ARMH3: variants seen among roughly 807,000 people sequenced by gnomAD.
The protein encoded by ARMH3 is armadillo like helical domain containing 3.
A neutral mutation model predicts 99.1 loss-of-function variants in ARMH3; 60 were observed. That is an observed-to-expected ratio of 0.61 (90% CI 0.49 to 0.75). ARMH3 has a LOEUF of 0.75. ARMH3 is among the 30% of genes least tolerant of loss of function. The pLI, the probability that ARMH3 is intolerant of heterozygous loss-of-function variation, is 0.00. For synonymous variants in ARMH3, 285 were observed against 292.8 expected (o/e 0.97, Z 0.27); for missense variants, 679 against 843.1 (o/e 0.81, Z 2.41).
intron 23 of ARMH3, among the ~76,000 whole-genome samples, chr10:101,915,480 C>G (rs927463060): frequency 3.9e-5 from 6 of 152,170 alleles, no homozygotes; most frequent in African/African-American, 1.4e-4. Flanking sequence ...ACCATGTATG[C>G]CCCCTTCCTG....
intron 24 of ARMH3, among the ~76,000 whole-genome samples, chr10:101,877,556 T>G (rs1042488671): frequency 6.6e-6 from 1 of 151,680 alleles, no homozygotes; most frequent in African/African-American, 2.4e-5. Context: ...GCTATTCAGG[T>G]GAGACAGGAG....
intron 14 of ARMH3, among the ~76,000 whole-genome samples, chr10:102,004,050 G>A (rs190394623): frequency 4.6e-5 from 7 of 152,168 alleles, no homozygotes; most frequent in Non-Finnish European, 8.8e-5. Flanking sequence ...AGCAATAACT[G>A]GAAAACTATC....
chr10:101,976,525 T>A (rs1407135979), intron 19 of ARMH3, among the ~76,000 whole-genome samples: 1 of 151,904 alleles, frequency 6.6e-6, no homozygotes. Context: ...GCCACTGACG[T>A]CTTTCCCTTG....
At chr10:101,864,060 CAAAAA>C (rs71485765) in intron 24 of ARMH3, among the ~76,000 whole-genome samples, 54 of 105,630 alleles carry the variant, frequency 5.1e-4, no homozygotes, top group East Asian at 7.9e-4. Context: ...GACTCCATCT[CAAAAA>C]AAAAAAAAAA....
At chr10:102,045,359 T>C (rs1257139740) in intron 1 of ARMH3, among the ~76,000 whole-genome samples, 2 of 151,978 alleles carry the variant, frequency 1.3e-5, no homozygotes, top group East Asian at 3.9e-4. Context: ...ACTGAGACAG[T>C]GATAAGGGCC....
intron 24 of ARMH3, among the ~76,000 whole-genome samples, chr10:101,859,724 G>C (rs2066818577): frequency 6.6e-6 from 1 of 152,204 alleles, no homozygotes; most frequent in African/African-American, 2.4e-5. Context: ...TGAGCAGCCA[G>C]GTTCAAAGAG....
chr10:102,025,116 T>C (rs1381242825), intron 6 of ARMH3, 40 bp downstream of exon 6: 48 of 1,513,370 alleles, frequency 3.2e-5, no homozygotes, highest in Non-Finnish European at 4.4e-5. Context: ...GGATTGCCCC[T>C]CCTGTCAATT....
intron 8 of ARMH3, among the ~76,000 whole-genome samples, chr10:102,020,740 C>G (rs1440258663): frequency 6.7e-6 from 1 of 149,356 alleles, no homozygotes; most frequent in Non-Finnish European, 1.5e-5. Flanking sequence ...GTAATCCCAG[C>G]TACTCAGGAG....
Position 101,864,078 on chromosome 10 carries a change from AAC to A in ARMH3, c.1861-14188_1861-14187del, listed in dbSNP as rs71016353. On this transcript the variant is annotated intron_variant, in intron 24 of 25. Coordinates refer to ENST00000370033, the MANE Select transcript of ARMH3 (RefSeq NM_024541.3). The stretch of plus-strand genomic sequence containing the variant: ...TCCATCTCAAAAAAAAAAAAAAAAA[AAC>A]ACACACACACACACACACACACACA... 9.2e-3 allele frequency among the ~76,000 whole-genome samples: 981 copies of A among 106,252 alleles called. 10 individuals are homozygous for A. Among genetic ancestry groups the A allele is most frequent in the Middle Eastern group, 0.012 (2 of 170 alleles). The allele number at this position is 106,252 out of a possible 152,430, so 69.7% of individuals were successfully genotyped here. A position where few individuals can be genotyped will look rare whatever the true frequency, so the allele number is the denominator to read the frequency against.
chr10:102,018,456 G>A (rs559229715), intron 8 of ARMH3, among the ~76,000 whole-genome samples: 1 of 152,214 alleles, frequency 6.6e-6, no homozygotes, highest in African/African-American at 2.4e-5. Context: ...GATACACAGT[G>A]ATGTGCTGCA....
chr10:101,944,260 A>ATG (rs1230758224), intron 22 of ARMH3, among the ~76,000 whole-genome samples: 3 of 66,218 alleles, frequency 4.5e-5, no homozygotes, highest in Non-Finnish European at 5.3e-5. Flanking sequence ...ATATATATAT[A>ATG]TATATATATA....
intron 8 of ARMH3, among the ~76,000 whole-genome samples, chr10:102,021,571 G>A (rs1184956423): frequency 6.1e-5 from 9 of 146,860 alleles, no homozygotes; most frequent in African/African-American, 1.0e-4. Context: ...TTTTTGAGAC[G>A]GAGTCTCGCT....
intron 4 of ARMH3, among the ~76,000 whole-genome samples, chr10:102,031,565 A>G (rs549872482): frequency 6.6e-6 from 1 of 152,248 alleles, no homozygotes; most frequent in Non-Finnish European, 1.5e-5. Context: ...TAACAAAGCT[A>G]TAGAATAAAC....
At chr10:102,019,081 C>T (rs1274552070) in intron 8 of ARMH3, among the ~76,000 whole-genome samples, 1 of 151,572 alleles carries the variant, frequency 6.6e-6, no homozygotes, top group Non-Finnish European at 1.5e-5. Flanking sequence ...TGGAATTTTG[C>T]TCTTTCACTC....
At chr10:101,926,178 A>AT (rs1305590629) in intron 23 of ARMH3, among the ~76,000 whole-genome samples, 1 of 152,092 alleles carries the variant, frequency 6.6e-6, no homozygotes, top group African/African-American at 2.4e-5. Flanking sequence ...CTGATAATTT[A>AT]TTTTTTATTA....
intron 8 of ARMH3, among the ~76,000 whole-genome samples, chr10:102,018,771 T>A (rs1369313837): frequency 2.0e-5 from 3 of 152,014 alleles, no homozygotes; most frequent in Non-Finnish European, 4.4e-5. Context: ...GCCTAAATAA[T>A]ATGGTGAACT....
chr10:101,864,082 C>T (rs549911705), intron 24 of ARMH3, among the ~76,000 whole-genome samples: 8,206 of 131,338 alleles, frequency 0.062, 823 homozygotes, highest in African/African-American at 0.23. Context: ...AAAAAAAACA[C>T]ACACACACAC....
chr10:101,923,599 T>C (rs1483929218), intron 23 of ARMH3, among the ~76,000 whole-genome samples: 1 of 152,232 alleles, frequency 6.6e-6, no homozygotes, highest in Non-Finnish European at 1.5e-5. Flanking sequence ...GTGAAGAGCA[T>C]CTTCTTTCTC....
intron 24 of ARMH3, among the ~76,000 whole-genome samples, chr10:101,880,020 A>G (rs957042366): frequency 1.3e-5 from 2 of 152,260 alleles, no homozygotes; most frequent in Non-Finnish European, 2.9e-5. Flanking sequence ...AGGTCAGCTG[A>G]AATGCCAGAA....
Sources: gnomAD v4.1 joint callset for allele counts (sites outside exome capture counted in the v4.1 genomes callset) on GRCh38, gnomAD v4.1.1 for gene constraint, MANE v1.5 for transcripts, NCBI Gene and HGNC (gene_info 2026-07-23, HGNC 2026-07-21) for gene names.